Variants in MBD5 observed in about 807,000 individuals in gnomAD.
MBD5 encodes the protein methyl-CpG binding domain protein 5, also known as methyl-CpG-binding domain protein 5.
A neutral mutation model predicts 117.3 loss-of-function variants in MBD5; 13 were observed. The ratio of observed to expected loss-of-function variants is 0.11; its 90% confidence interval spans 0.07 to 0.18. MBD5 has a LOEUF of 0.18. MBD5 is among the 10% of genes least tolerant of loss of function. MBD5 has a pLI of 1.00. For missense variants in MBD5, 1,879 were observed against 2,093.8 expected, an observed-to-expected ratio of 0.90 and a Z score of 2.00; for synonymous variants, 727 against 766.4, an observed-to-expected ratio of 0.95 and a Z score of 0.85.
At position 148,489,584 on chromosome 2, in the gene MBD5, G is replaced by T. The variant is rs199626531; in HGVS notation, c.3952G>T (p.Val1318Leu). 8 of 1,614,126 alleles carry T rather than the reference G, an allele frequency of 5.0e-6. No homozygotes were observed. The South Asian group carries it at 5.5e-5, about 11-fold the overall frequency. The change falls in exon 11 of 14, where the codon GTA (valine) becomes TTA (leucine). Residue 1318 changes from valine (V) to leucine (L), a missense_variant. Around this residue, in one of 4 missense-constraint regions of MBD5, gnomAD observed 1,666 missense variants for 1,792.2 expected, o/e 0.93. Coordinates refer to ENST00000642680, the MANE Select transcript of MBD5 (RefSeq NM_001378120.1). ...LVVGGPGDAS[V>L]DAIYKAVVDA... is the part of the protein sequence containing the mutation. ...TGTGGGTGGCCCAGGTGATGCTTCC[G>T]TAGATGCCATTTACAAAGCAGTTGT... is the stretch of plus-strand genomic sequence containing the variant.
At chr2:148,329,938 A>C (rs1040976362) in intron 3 of MBD5, among the ~76,000 whole-genome samples, 1 of 151,570 alleles carries the variant, frequency 6.6e-6, no homozygotes, top group South Asian at 2.1e-4. Context: ...TTTACCAAAT[A>C]TTTTTATATC....
At chr2:148,034,945 G>A (rs1694148083) in intron 1 of MBD5, among the ~76,000 whole-genome samples, 1 of 152,052 alleles carries the variant, frequency 6.6e-6, no homozygotes, top group Non-Finnish European at 1.5e-5. Flanking sequence ...TTGAGCATTG[G>A]CTCCATAGAC....
At chr2:148,228,995 T>C (rs1007912406) in intron 2 of MBD5, among the ~76,000 whole-genome samples, 1 of 152,162 alleles carries the variant, frequency 6.6e-6, no homozygotes, top group African/African-American at 2.4e-5. Context: ...TTGATTCTTC[T>C]CTCTTTTCTT....
chr2:148,446,012 A>T (rs141822957), intron 4 of MBD5, among the ~76,000 whole-genome samples: 24,377 of 150,324 alleles, frequency 0.16, 2,433 homozygotes, highest in Middle Eastern at 0.2. Flanking sequence ...GTTTGAGTTC[A>T]TTGTAGATTC....
At chr2:148,491,021 G>A (rs1681508825) in intron 11 of MBD5, among the ~76,000 whole-genome samples, 1 of 152,198 alleles carries the variant, frequency 6.6e-6, no homozygotes, top group Non-Finnish European at 1.5e-5. Context: ...TTGCGCCAGG[G>A]GACGGCATCT....
intron 4 of MBD5, among the ~76,000 whole-genome samples, chr2:148,443,631 C>T (rs1376903189): frequency 6.6e-6 from 1 of 151,224 alleles, no homozygotes; most frequent in Non-Finnish European, 1.5e-5. Flanking sequence ...TGAAATAAGC[C>T]AGGTGCACAA....
At chr2:148,051,594 CTGTT>C (rs1694702654) in intron 1 of MBD5, among the ~76,000 whole-genome samples, 2 of 128,284 alleles carry the variant, frequency 1.6e-5, no homozygotes, top group Admixed American at 1.6e-4. Context: ...TCCTTCTGTT[CTGTT>C]TGTTGAGTGT....
At chr2:148,103,423 T>C (rs964805937) in intron 1 of MBD5, among the ~76,000 whole-genome samples, 3 of 152,134 alleles carry the variant, frequency 2.0e-5, no homozygotes, top group South Asian at 2.1e-4. Context: ...AAGATAAAAG[T>C]AGTGGTATGA....
At chr2:148,035,209 C>A (rs1694156692) in intron 1 of MBD5, among the ~76,000 whole-genome samples, 2 of 151,752 alleles carry the variant, frequency 1.3e-5, no homozygotes, top group South Asian at 2.1e-4. Flanking sequence ...AACAAAATAT[C>A]ACAAAGATGA....
Position 148,468,917 on chromosome 2 carries a change from G to A in MBD5, c.974G>A (p.Arg325Gln), listed in dbSNP as rs374866920. 1.7e-5 allele frequency: 27 copies of A among 1,613,530 alleles called. No homozygotes were observed. The highest frequency in any genetic ancestry group is 2.2e-5 in the East Asian group (1 of 44,828). ...TTTTCAACTAATATGGAAATACCAC[G>A]AGCAATGTTCCACCACAAACCACCC... ...CNFSTNMEIP[R>Q]AMFHHKPPQG... The change falls in exon 8 of 14, where the codon CGA becomes CAA. Residue 325 changes from arginine (R) to glutamine (Q), a missense_variant. This residue lies in a region of MBD5 where 1,666 missense variants were observed against 1,792.2 expected (regional missense o/e 0.93). Transcript: ENST00000642680.
At chr2:148,309,792 G>A (rs1006163580) in intron 3 of MBD5, among the ~76,000 whole-genome samples, 9 of 152,116 alleles carry the variant, frequency 5.9e-5, no homozygotes, top group African/African-American at 2.2e-4. Context: ...TTGGCTGTAG[G>A]TTTGTCATAA....
intron 3 of MBD5, among the ~76,000 whole-genome samples, chr2:148,314,466 C>G (rs1394365020): frequency 1.3e-5 from 2 of 150,182 alleles, no homozygotes; most frequent in East Asian, 4.0e-4. Flanking sequence ...CAACCTCCAC[C>G]TCCCAGGTTT....
intron 3 of MBD5, among the ~76,000 whole-genome samples, chr2:148,247,884 G>A (rs557331780): frequency 2.6e-5 from 4 of 152,148 alleles, no homozygotes; most frequent in Admixed American, 6.5e-5. Context: ...GTGAAGTTAG[G>A]TACCCTGACA....
intron 1 of MBD5, among the ~76,000 whole-genome samples, chr2:148,140,120 AT>A (rs1697276904): frequency 1.3e-5 from 2 of 152,214 alleles, no homozygotes; most frequent in Admixed American, 1.3e-4. Flanking sequence ...TATTTGAAAT[AT>A]TGGTAATGTC....
At position 148,040,161 on chromosome 2, in the gene MBD5, A is replaced by G. The variant is rs548343305; in HGVS notation, c.-925+18477A>G. Among the ~76,000 whole-genome samples, 7 of 152,302 alleles carry G rather than the reference A, an allele frequency of 4.6e-5. No individual in the cohort carries two copies. In the South Asian group the frequency reaches 1.5e-3, roughly 32 times the overall value. ...GTTTACCTATCTGACAAACCTGCAC[A>G]TGTACCCCTGAACCTAAAATAAAAG... On this transcript the variant is annotated intron_variant, in intron 1 of 13. Transcript: ENST00000642680.
At chr2:148,195,758 G>A (rs960440433) in intron 2 of MBD5, among the ~76,000 whole-genome samples, 5 of 152,010 alleles carry the variant, frequency 3.3e-5, no homozygotes, top group South Asian at 2.1e-4. Flanking sequence ...AAAACCTCTC[G>A]ATATTTGGAA....
intron 3 of MBD5, among the ~76,000 whole-genome samples, chr2:148,300,975 G>A (rs1386609102): frequency 1.3e-5 from 2 of 152,170 alleles, no homozygotes; most frequent in South Asian, 2.1e-4. Context: ...AACTTCCAAA[G>A]CTGTTTCTAT....
At chr2:148,503,282 A>C (rs1197474956) in intron 12 of MBD5, among the ~76,000 whole-genome samples, 1 of 152,208 alleles carries the variant, frequency 6.6e-6, no homozygotes, top group African/African-American at 2.4e-5. Context: ...TATATTAGTT[A>C]ATTTTTATTC....
intron 3 of MBD5, chr2:148,264,465 C>G (rs558853996): frequency 1.3e-5 from 2 of 152,206 alleles, no homozygotes; most frequent in Non-Finnish European, 2.9e-5. Flanking sequence ...AAAGTGCATT[C>G]TCTTTCTAGT....
Sources: gnomAD v4.1 joint callset for allele counts (sites outside exome capture counted in the v4.1 genomes callset) on GRCh38, gnomAD v4.1.1 for gene constraint, gnomAD v4.1.1 regional missense constraint, MANE v1.5 for transcripts, NCBI Gene and HGNC (gene_info 2026-07-23, HGNC 2026-07-21) for gene names.